Variants in ANO10 observed in about 807,000 individuals in gnomAD.
ANO10 encodes the protein anoctamin-10.
Under a neutral mutation model 74.7 loss-of-function variants are expected in ANO10, and 77 were observed. The ratio of observed to expected loss-of-function variants is 1.03; its 90% CI spans 0.86 to 1.25. The LOEUF (loss-of-function observed/expected upper bound fraction) is 1.25. Ranked by LOEUF, ANO10 falls within the 50% of genes most tolerant of loss-of-function variation. The pLI is 0.00. For missense variants in ANO10, 721 were observed against 778.1 expected, an observed-to-expected ratio of 0.93 and a Z score of 0.87; for synonymous variants, 279 against 284.9, an observed-to-expected ratio of 0.98 and a Z score of 0.21.
chr3:43,567,092 G>A (rs1277394477), intron 7 of ANO10, among the ~76,000 whole-genome samples: 1 of 152,172 alleles, frequency 6.6e-6, no homozygotes, highest in Non-Finnish European at 1.5e-5. Context: ...GGCAATGGAA[G>A]ATGAAATGAA....
At chr3:43,484,831 T>C (rs947154576) in intron 11 of ANO10, 19 of 515,836 alleles carry the variant, frequency 3.7e-5, no homozygotes, top group Admixed American at 3.0e-4. Context: ...ATTTTATTTT[T>C]GGTTTACATC....
At chr3:43,671,827 A>G (rs2084062872) in intron 1 of ANO10, among the ~76,000 whole-genome samples, 1 of 152,174 alleles carries the variant, frequency 6.6e-6, no homozygotes, top group African/African-American at 2.4e-5. Context: ...CCTGCAGCAT[A>G]AGAAATTACA....
intron 11 of ANO10, among the ~76,000 whole-genome samples, chr3:43,450,259 A>T (rs1288002192): frequency 1.3e-5 from 2 of 152,260 alleles, no homozygotes; most frequent in Middle Eastern, 3.4e-3. Context: ...ATTATATATC[A>T]GCCAGGCACA....
At chr3:43,376,359 A>T (rs1250679234) in intron 12 of ANO10, among the ~76,000 whole-genome samples, 1 of 152,210 alleles carries the variant, frequency 6.6e-6, no homozygotes, top group African/African-American at 2.4e-5. Flanking sequence ...TGTCCTGGGG[A>T]CATCAACCAA....
At chr3:43,386,536 C>G (rs570294381) in intron 12 of ANO10, among the ~76,000 whole-genome samples, 2 of 152,232 alleles carry the variant, frequency 1.3e-5, no homozygotes, top group African/African-American at 4.8e-5. Context: ...TGTGCTGGGT[C>G]TCTGCAGGTG....
rs2075154744 is a variant in ANO10 at position 43,456,905 on chromosome 3, C to T, written c.1798-24178G>A. 1.3e-5 allele frequency among the ~76,000 whole-genome samples: 2 copies of T among 152,284 alleles called. 1 individual carries two copies. The highest frequency in any genetic ancestry group is 4.1e-4 in the South Asian group (2 of 4,822). Reference sequence around the variant, plus strand: ...ACGGATTTTTCATACTTACAACTTTCTTGTATTTGTTACTTGTAAATCTTG... The same window carrying T: ...ACGGATTTTTCATACTTACAACTTTTTTGTATTTGTTACTTGTAAATCTTG... On this transcript the variant is annotated intron_variant, in intron 11 of 12. Coordinates refer to ENST00000292246, the MANE Select transcript of ANO10 (RefSeq NM_018075.5).
intron 11 of ANO10, among the ~76,000 whole-genome samples, chr3:43,547,180 A>C (rs1453395006): frequency 3.3e-5 from 5 of 152,226 alleles, no homozygotes; most frequent in African/African-American, 1.2e-4. Flanking sequence ...TCATCCATGA[A>C]TTCTATGTCC....
chr3:43,508,172 A>T (rs1047294215), intron 11 of ANO10, among the ~76,000 whole-genome samples: 24 of 152,166 alleles, frequency 1.6e-4, no homozygotes, highest in Admixed American at 6.5e-5. Flanking sequence ...TTTTTCAAAA[A>T]AGACCAAACA....
At chr3:43,472,498 G>GT (rs2075900205) in intron 11 of ANO10, 1 of 152,110 alleles carries the variant, frequency 6.6e-6, no homozygotes, top group South Asian at 2.1e-4. Flanking sequence ...AGTTATCACA[G>GT]TGAGTTATCT....
At chr3:43,484,896 TAC>T in intron 11 of ANO10, 1 of 655,358 alleles carries the variant, frequency 1.5e-6, no homozygotes, top group Non-Finnish European at 2.6e-6. Flanking sequence ...TCTAAGCATT[TAC>T]AGTTTATGTC....
chr3:43,454,032 T>C (rs2149004116), intron 11 of ANO10, among the ~76,000 whole-genome samples: 1 of 152,242 alleles, frequency 6.6e-6, no homozygotes, highest in East Asian at 1.9e-4. Context: ...GAAGAGGAAG[T>C]TTTGGTAGTA....
At chr3:43,563,500 G>C (rs1431655793) in intron 8 of ANO10, among the ~76,000 whole-genome samples, 1 of 149,808 alleles carries the variant, frequency 6.7e-6, no homozygotes. Context: ...TGACTACTGG[G>C]TATTTATCCA....
chr3:43,405,593 C>G (rs2092561612), intron 12 of ANO10, among the ~76,000 whole-genome samples: 1 of 152,146 alleles, frequency 6.6e-6, no homozygotes, highest in African/African-American at 2.4e-5. Flanking sequence ...TCAAGCGATC[C>G]TCCCACCTCA....
intron 1 of ANO10, among the ~76,000 whole-genome samples, chr3:43,649,437 T>C (rs1409167105): frequency 2.6e-5 from 4 of 152,186 alleles, no homozygotes; most frequent in Non-Finnish European, 5.9e-5. Flanking sequence ...ACCATAACTG[T>C]CTAGGGTTAA....
chr3:43,516,433 G>A (rs757412535), intron 11 of ANO10, among the ~76,000 whole-genome samples: 119 of 152,306 alleles, frequency 7.8e-4, no homozygotes, highest in Admixed American at 7.2e-4. Flanking sequence ...TGTTGAAAGC[G>A]TAGGGCGAAG....
chr3:43,432,167 GCA>G (rs1288891491), intron 12 of ANO10, among the ~76,000 whole-genome samples: 1 of 150,802 alleles, frequency 6.6e-6, no homozygotes, highest in Non-Finnish European at 1.5e-5. Context: ...AGTCACTGAG[GCA>G]CAGTTTCTCC....
chr3:43,607,613 C>G (rs375189530), intron 1 of ANO10, among the ~76,000 whole-genome samples: 1 of 151,916 alleles, frequency 6.6e-6, no homozygotes, highest in South Asian at 2.1e-4. Flanking sequence ...TAGATCACCC[C>G]GATAGGAACT....
At chr3:43,634,516 G>A (rs2083586148) in intron 1 of ANO10, among the ~76,000 whole-genome samples, 1 of 152,058 alleles carries the variant, frequency 6.6e-6, no homozygotes, top group Non-Finnish European at 1.5e-5. Context: ...GGTGGTATGT[G>A]TATGTATACT....
intron 12 of ANO10, among the ~76,000 whole-genome samples, chr3:43,368,856 A>G (rs966588198): frequency 6.6e-6 from 1 of 152,166 alleles, no homozygotes; most frequent in African/African-American, 2.4e-5. Flanking sequence ...AAATTTAACT[A>G]AACTAAAACA....
Sources: allele counts gnomAD v4.1 joint callset (sites outside exome capture counted in the v4.1 genomes callset), GRCh38; gene constraint gnomAD v4.1.1; transcripts MANE v1.5; gene names NCBI Gene and HGNC (gene_info 2026-07-23, HGNC 2026-07-21).